DOC2B: variants seen among roughly 807,000 people sequenced by gnomAD.
The protein encoded by DOC2B is double C2 domain beta, also known as double C2-like domain-containing protein beta.
Under a neutral mutation model 28.9 loss-of-function variants are expected in DOC2B, and 21 were observed. That is an observed-to-expected ratio of 0.73 (90% CI 0.52 to 1.05). The LOEUF is 1.05. Ranked by LOEUF, DOC2B falls within the 50% of genes least tolerant of loss-of-function variation. The probability of loss-of-function intolerance (pLI) is 0.00; values close to 1 mark genes in which losing one functional copy is unlikely to be tolerated. For missense variants in DOC2B, 384 were observed against 421.1 expected (o/e 0.91, Z 0.77); for synonymous variants, 194 against 178.1 (o/e 1.09, Z -0.71).
intron 1 of DOC2B, among the ~76,000 whole-genome samples, chr17:179,174 C>T (rs2040404778): frequency 6.6e-6 from 1 of 152,196 alleles, no homozygotes; most frequent in Admixed American, 6.5e-5. Flanking sequence ...CGGGTGTGGC[C>T]AGCCCACAGT....
chr17:180,520 C>CA (rs1440905017), intron 1 of DOC2B, among the ~76,000 whole-genome samples: 2 of 152,142 alleles, frequency 1.3e-5, no homozygotes, highest in East Asian at 3.9e-4. Context: ...AAGGTTTTTC[C>CA]AAAGGACAAG....
At chr17:148,886 G>A (rs1441733964) in intron 7 of DOC2B, among the ~76,000 whole-genome samples, 7 of 151,548 alleles carry the variant, frequency 4.6e-5, no homozygotes, top group African/African-American at 1.5e-4. Context: ...AGGAACCGAG[G>A]ACTCCCCTCA....
rs2040131671 is a variant in DOC2B at position 156,108 on chromosome 17, G to A, written c.923+112C>T. ...GCCCATCAGGGAACACAGCGCCCCTGTACCTCAGGCACTCCCTGGGTGCCT... is the reference window on the plus strand; with the variant it reads ...GCCCATCAGGGAACACAGCGCCCCTATACCTCAGGCACTCCCTGGGTGCCT... On this transcript the variant is annotated intron_variant, in intron 6 of 8. Transcript: ENST00000613549. 2.4e-6 allele frequency: 3 copies of A among 1,253,806 alleles called. No homozygotes were observed. The South Asian group carries it at 4.6e-5, about 19-fold the overall frequency. 77.7% of individuals were successfully genotyped at this position (1,253,806 alleles called of 1,614,324 possible).
intron 2 of DOC2B, among the ~76,000 whole-genome samples, chr17:166,475 G>C (rs897902845): frequency 2.0e-5 from 3 of 152,258 alleles, no homozygotes; most frequent in African/African-American, 7.2e-5. Context: ...GGCCTCACGG[G>C]AGGTGACGTG....
rs1340493230 is a variant in DOC2B at position 142,968 on chromosome 17, C to G, written c.*4473G>C. Reference sequence around the variant, plus strand: ...TGTGGTTAGGAAGGTTTATTTTTTTCCCTCCAAACCTAAGCAGTACATGTC... The same window carrying G: ...TGTGGTTAGGAAGGTTTATTTTTTTGCCTCCAAACCTAAGCAGTACATGTC... On this transcript the variant is annotated 3_prime_UTR_variant, in exon 9 of 9. Transcript: ENST00000613549. 2 of 152,046 alleles carry G rather than the reference C, an allele frequency of 1.3e-5. No homozygotes were observed. Among genetic ancestry groups the G allele is most frequent in the Admixed American group, 1.3e-4 (2 of 15,262 alleles). The allele number at this position is 152,046 out of a possible 1,614,324, so 9.4% of individuals were successfully genotyped here.
At chr17:152,315 G>A (rs371530475) in intron 6 of DOC2B, among the ~76,000 whole-genome samples, 1 of 152,180 alleles carries the variant, frequency 6.6e-6, no homozygotes, top group Admixed American at 6.5e-5. Flanking sequence ...CGCAGCCATC[G>A]CGCAGCTCAG....
chr17:154,040 C>T (rs565917459), intron 6 of DOC2B, among the ~76,000 whole-genome samples: 5 of 152,322 alleles, frequency 3.3e-5, no homozygotes, highest in South Asian at 2.1e-4. Context: ...TCCTGCAACA[C>T]GTGGCCGTCT....
In DOC2B at chr17:181,420, G is replaced by T. The variant is rs775461472; in HGVS notation, c.60C>A (p.Ile20=). Residue 20 remains isoleucine (I), a synonymous_variant, in exon 1 of 9, where the codon ATC becomes ATA. Transcript: ENST00000613549. The surrounding 1 kb of genome is among the most constrained non-coding windows in gnomAD (Gnocchi z 7.0). ...ATISIQEHMA[I]DVCPGPIRPI... ...GACGGATGGGGCCGGGGCACACGTC[G>T]ATGGCCATATGCTCCTGGATGCTGA... 4.8e-5 allele frequency: 57 copies of T among 1,187,866 alleles called. No individual in the cohort carries two copies. The highest frequency in any genetic ancestry group is 5.7e-5 in the Non-Finnish European group (54 of 945,376). The allele number at this position is 1,187,866 out of a possible 1,614,324, so 73.6% of individuals were successfully genotyped here.
chr17:164,000 G>A (rs935749412), intron 3 of DOC2B, 130 bp downstream of exon 3: 3 of 675,642 alleles, frequency 4.4e-6, no homozygotes, highest in Non-Finnish European at 5.2e-6. Flanking sequence ...GACTCTGAGG[G>A]GAGTGGCAGC....
intron 2 of DOC2B, among the ~76,000 whole-genome samples, chr17:165,827 C>T (rs2040257040): frequency 6.6e-6 from 1 of 152,252 alleles, no homozygotes; most frequent in Non-Finnish European, 1.5e-5. Context: ...AATCTGGTGG[C>T]CTGGCCTGAC....
At chr17:153,098 G>A (rs183750541) in intron 6 of DOC2B, among the ~76,000 whole-genome samples, 21 of 151,854 alleles carry the variant, frequency 1.4e-4, no homozygotes, top group Middle Eastern at 3.4e-3. Context: ...TGGAGGTCTC[G>A]GGTGAGGCGT....
chr17:157,577 T>A (rs2040150433), intron 5 of DOC2B, among the ~76,000 whole-genome samples: 1 of 152,214 alleles, frequency 6.6e-6, no homozygotes, highest in South Asian at 2.1e-4. Flanking sequence ...TTCTCCTGCC[T>A]CAGCCTTCTG....
At chr17:158,596 T>C (rs149846940) in intron 5 of DOC2B, among the ~76,000 whole-genome samples, 2 of 152,248 alleles carry the variant, frequency 1.3e-5, no homozygotes, top group Non-Finnish European at 2.9e-5. Flanking sequence ...CACCTCAGAA[T>C]CCTTTTCAAC....
rs1173240573 is a variant in DOC2B, at chr17:144,266, GTTTT to G, written c.*3171_*3174del. On this transcript the variant is annotated 3_prime_UTR_variant, in exon 9 of 9. Coordinates refer to ENST00000613549, the MANE Select transcript of DOC2B (RefSeq NM_003585.5). ...CAGCTTCTCAAAGCGTTGTTTGTTT[GTTTT>G]TTTTCTGAGACGGAGTCTTGCTCTG... The G allele has an allele frequency of 1.5e-5, 2 of 131,360 alleles. No homozygotes were observed. The highest frequency in any genetic ancestry group is 7.8e-5 in the Admixed American group (1 of 12,894). 8.1% of individuals were successfully genotyped at this position (131,360 alleles called of 1,614,324 possible). A position where few individuals can be genotyped will look rare whatever the true frequency, so the allele number is the denominator to read the frequency against.
chr17:180,656 C>A (rs1469423833), intron 1 of DOC2B, among the ~76,000 whole-genome samples: 1 of 151,998 alleles, frequency 6.6e-6, no homozygotes, highest in African/African-American at 2.4e-5. Context: ...CTCGCCCCAG[C>A]CCCGACCCTC....
At chr17:160,930 T>C (rs1050694603) in intron 5 of DOC2B, among the ~76,000 whole-genome samples, 8 of 152,152 alleles carry the variant, frequency 5.3e-5, no homozygotes, top group Admixed American at 1.3e-4. Context: ...TGTCCACCCG[T>C]GGTCCCTGCT....
intron 2 of DOC2B, among the ~76,000 whole-genome samples, chr17:170,807 G>A (rs532259703): frequency 1.3e-3 from 156 of 122,158 alleles, no homozygotes; most frequent in African/African-American, 4.3e-3. Flanking sequence ...GGGCCAGGCT[G>A]CAGAGGGCAG....
At chr17:155,786 C>T (rs1357342371) in intron 6 of DOC2B, among the ~76,000 whole-genome samples, 1 of 152,228 alleles carries the variant, frequency 6.6e-6, no homozygotes, top group East Asian at 1.9e-4. Flanking sequence ...GGACTCTTAT[C>T]CGCATCTGTA....
chr17:148,713 C>T (rs2040041541), intron 7 of DOC2B, among the ~76,000 whole-genome samples: 1 of 152,114 alleles, frequency 6.6e-6, no homozygotes, highest in African/African-American at 2.4e-5. Flanking sequence ...GGCCCCTCTG[C>T]TCTTCTTTCC....
Sources: gnomAD v4.1 joint callset for allele counts (sites outside exome capture counted in the v4.1 genomes callset) on GRCh38, gnomAD v4.1.1 for gene constraint, Gnocchi (gnomAD v3.1) non-coding constraint, MANE v1.5 for transcripts, NCBI Gene and HGNC (gene_info 2026-07-23, HGNC 2026-07-21) for gene names.